Variants in CTNNA3 observed in about 807,000 individuals in gnomAD.
CTNNA3 encodes the protein catenin alpha 3, also known as catenin alpha-3.
In CTNNA3, 76 loss-of-function variants were observed where a neutral mutation model predicts 95.7. The ratio of observed to expected loss-of-function variants is 0.79; its 90% confidence interval spans 0.66 to 0.96. The LOEUF (loss-of-function observed/expected upper bound fraction) is 0.96. Ranked by LOEUF, CTNNA3 falls within the 40% of genes least tolerant of loss-of-function variation. The pLI is 0.00. For synonymous variants in CTNNA3, 431 were observed against 374.4 expected (o/e 1.15, Z -1.74); for missense variants, 1,191 against 1,089.8 (o/e 1.09, Z -1.31).
chr10:67,494,759 T>G (rs1838973020), intron 5 of CTNNA3, among the ~76,000 whole-genome samples: 1 of 152,224 alleles, frequency 6.6e-6, no homozygotes, highest in Admixed American at 6.5e-5. Flanking sequence ...AAGAATTACT[T>G]CTTGAACTGA....
intron 15 of CTNNA3, among the ~76,000 whole-genome samples, chr10:66,011,460 C>A (rs909570143): frequency 6.6e-6 from 1 of 152,156 alleles, no homozygotes; most frequent in African/African-American, 2.4e-5. Flanking sequence ...AGTTTTAATG[C>A]TACCCATACT....
chr10:67,391,436 C>A (rs970390042), intron 5 of CTNNA3, among the ~76,000 whole-genome samples: 19 of 152,178 alleles, frequency 1.2e-4, no homozygotes, highest in African/African-American at 4.6e-4. Flanking sequence ...ACATTCCACG[C>A]TCATGGGTAG....
chr10:66,065,455 C>CTA (rs1465265396), intron 15 of CTNNA3, among the ~76,000 whole-genome samples: 7 of 152,012 alleles, frequency 4.6e-5, no homozygotes, highest in African/African-American at 1.7e-4. Flanking sequence ...TTTTGATCTG[C>CTA]TATTCTCTTA....
intron 7 of CTNNA3, among the ~76,000 whole-genome samples, chr10:66,853,418 A>T (rs1231296256): frequency 6.6e-6 from 1 of 152,176 alleles, no homozygotes; most frequent in Non-Finnish European, 1.5e-5. Flanking sequence ...GGAACATTCT[A>T]CGTTCAAGTT....
intron 13 of CTNNA3, among the ~76,000 whole-genome samples, chr10:66,179,874 T>C (rs1291296868): frequency 6.6e-6 from 1 of 152,180 alleles, no homozygotes; most frequent in African/African-American, 2.4e-5. Context: ...CTGTCTATTA[T>C]GAAAAATTTT....
intron 10 of CTNNA3, among the ~76,000 whole-genome samples, chr10:66,573,359 A>C (rs1842922743): frequency 6.6e-6 from 1 of 152,174 alleles, no homozygotes. Context: ...GATGTGATTG[A>C]CTACCAGGGT....
At chr10:66,929,116 A>G (rs1847232069) in intron 7 of CTNNA3, among the ~76,000 whole-genome samples, 1 of 152,216 alleles carries the variant, frequency 6.6e-6, no homozygotes, top group South Asian at 2.1e-4. Context: ...ACAACTGCAA[A>G]ATGTGAGGAG....
At chr10:66,422,265 G>C (rs1423659350) in intron 11 of CTNNA3, among the ~76,000 whole-genome samples, 16 of 152,020 alleles carry the variant, frequency 1.1e-4, no homozygotes, top group Admixed American at 1.0e-3. Flanking sequence ...AATAAGATTT[G>C]AAAATATATA....
intron 2 of CTNNA3, among the ~76,000 whole-genome samples, chr10:67,636,225 T>C (rs1839307829): frequency 6.6e-6 from 1 of 152,116 alleles, no homozygotes; most frequent in Non-Finnish European, 1.5e-5. Flanking sequence ...TCAATGTCGT[T>C]AGAATGGCCA....
chr10:66,621,688 A>G lies in CTNNA3; in HGVS notation c.1374+4T>C. 6.4e-7 allele frequency: 1 copy of G among 1,564,612 alleles called. No individual in the cohort carries two copies. Among genetic ancestry groups the G allele is most frequent in the Non-Finnish European group, 8.8e-7 (1 of 1,141,770 alleles). On this transcript the variant is annotated splice_donor_region_variant and intron_variant, in intron 10 of 17. Coordinates refer to ENST00000433211, the MANE Select transcript of CTNNA3 (RefSeq NM_013266.4). ...ACACACAAAAAGTAACTTAGTTGTC[A>G]TACCTGTGGACACAAGGTTTCCAAA... is the stretch of plus-strand genomic sequence containing the variant.
intron 7 of CTNNA3, among the ~76,000 whole-genome samples, chr10:67,105,186 T>C (rs1858560639): frequency 1.3e-5 from 2 of 151,964 alleles, no homozygotes; most frequent in African/African-American, 4.8e-5. Context: ...AATGTGGATA[T>C]TTGGAATATA....
intron 5 of CTNNA3, among the ~76,000 whole-genome samples, chr10:67,481,060 G>A (rs1848205736): frequency 6.6e-6 from 1 of 152,138 alleles, no homozygotes; most frequent in Non-Finnish European, 1.5e-5. Flanking sequence ...ATGATCATAT[G>A]GTTTTGGTTT....
intron 7 of CTNNA3, among the ~76,000 whole-genome samples, chr10:67,110,079 G>A (rs726872): frequency 0.57 from 86,140 of 151,936 alleles, 26,160 homozygotes; most frequent in African/African-American, 0.8. Flanking sequence ...TTTCTCAAAA[G>A]TATAAATTTT....
At chr10:67,194,971 A>G (rs566862725) in intron 6 of CTNNA3, among the ~76,000 whole-genome samples, 10 of 152,124 alleles carry the variant, frequency 6.6e-5, no homozygotes, top group African/African-American at 2.4e-4. Context: ...TAATACTAAT[A>G]TTCCCTATAA....
chr10:66,344,617 T>G (rs944189755), intron 12 of CTNNA3, among the ~76,000 whole-genome samples: 1 of 152,088 alleles, frequency 6.6e-6, no homozygotes, highest in African/African-American at 2.4e-5. Flanking sequence ...AAAATTGAAA[T>G]TCCTGCCACT....
chr10:66,818,080 C>T (rs527736463), intron 7 of CTNNA3, among the ~76,000 whole-genome samples: 35 of 120,540 alleles, frequency 2.9e-4, no homozygotes, highest in African/African-American at 1.1e-3. Context: ...ATCCAACGCT[C>T]TTTTATTATT....
intron 9 of CTNNA3, among the ~76,000 whole-genome samples, chr10:66,749,480 T>C (rs1460086895): frequency 6.6e-6 from 1 of 152,200 alleles, no homozygotes; most frequent in Non-Finnish European, 1.5e-5. Flanking sequence ...CCTTTCAGAT[T>C]GGCTTTTTTC....
chr10:67,096,153 G>T (rs550736165), intron 7 of CTNNA3, among the ~76,000 whole-genome samples: 1 of 151,656 alleles, frequency 6.6e-6, no homozygotes, highest in Non-Finnish European at 1.5e-5. Flanking sequence ...TTTATATGCC[G>T]AAATATTCAT....
intron 11 of CTNNA3, among the ~76,000 whole-genome samples, chr10:66,459,792 T>C (rs1258835438): frequency 6.6e-6 from 1 of 152,204 alleles, no homozygotes; most frequent in Non-Finnish European, 1.5e-5. Context: ...AAAGGTACAG[T>C]AAAAATAAAG....
Sources: allele counts gnomAD v4.1 joint callset (sites outside exome capture counted in the v4.1 genomes callset), GRCh38; gene constraint gnomAD v4.1.1; transcripts MANE v1.5; gene names NCBI Gene and HGNC (gene_info 2026-07-23, HGNC 2026-07-21).